Variants in H4C5 observed in about 807,000 individuals in gnomAD.
H4C5 encodes histone H4.
Under a neutral mutation model 5.3 loss-of-function variants are expected in H4C5, and 15 were observed. The ratio of observed to expected loss-of-function variants is 2.84; its 90% CI spans 1.90 to 4.37. The LOEUF (loss-of-function observed/expected upper bound fraction) is 4.37, where lower values mean the gene tolerates loss of function less well. Ranked by LOEUF, H4C5 falls within the 30% of genes most tolerant of loss-of-function variation. The pLI is 0.00. For missense variants in H4C5, 153 were observed against 145.7 expected (o/e 1.05, Z -0.26); for synonymous variants, 154 against 56.9 (o/e 2.71, Z -7.68).
chr6:26,204,711 C>T lies in H4C5; in HGVS notation c.67C>T (p.Leu23=), dbSNP rs753454645. 9.9e-6 allele frequency: 16 copies of T among 1,614,068 alleles called. No individual in the cohort carries two copies. Among genetic ancestry groups the T allele is most frequent in the African/African-American group, 1.3e-5 (1 of 74,930 alleles). Residue 23 remains leucine, a synonymous_variant, in exon 1 of 1, where the codon CTG becomes TTG. Coordinates refer to ENST00000615164, the MANE Select transcript of H4C5 (RefSeq NM_003545.4). ...KGGAKRHRKV[L]RDNIQGITKP... is the part of the protein sequence containing the mutation. ...AGGCGCTAAGCGTCACCGTAAGGTCCTGCGAGATAACATCCAGGGCATTAC... is the reference window on the plus strand; with the variant it reads ...AGGCGCTAAGCGTCACCGTAAGGTCTTGCGAGATAACATCCAGGGCATTAC...
At position 26,204,641 on chromosome 6, in the gene H4C5, G is replaced by T. The variant is rs201324703; in HGVS notation, c.-4G>T. 4.7e-5 allele frequency: 74 copies of T among 1,571,718 alleles called. No individual in the cohort carries two copies. In the Admixed American group the frequency reaches 5.7e-4, roughly 12 times the overall value. On this transcript the variant is annotated 5_prime_UTR_variant, in exon 1 of 1. Transcript: ENST00000615164. ...TTGCGGCTATTTTCGTTGGTGTGTT[G>T]GTCATGTCTGGTCGCGGCAAAGGCG... is the stretch of plus-strand genomic sequence containing the variant.
Position 26,204,743 on chromosome 6 carries a change from T to C in H4C5, c.99T>C (p.Pro33=). 6.2e-7 allele frequency: 1 copy of C among 1,614,166 alleles called. No homozygotes were observed. Among genetic ancestry groups the C allele is most frequent in the Non-Finnish European group, 8.5e-7 (1 of 1,180,026 alleles). ...LRDNIQGITK[P]AIRRLARRGG... ...ATAACATCCAGGGCATTACCAAGCCTGCCATCCGGCGCCTTGCTCGTCGCG... is the reference window on the plus strand; with the variant it reads ...ATAACATCCAGGGCATTACCAAGCCCGCCATCCGGCGCCTTGCTCGTCGCG... Residue 33 remains proline (P), a synonymous_variant, in exon 1 of 1, where the codon CCT becomes CCC. Transcript: ENST00000615164.
At position 26,204,661 on chromosome 6, in the gene H4C5, A is replaced by G. The variant is rs1205151749; in HGVS notation, c.17A>G (p.Lys6Arg). ...GTGTTGGTCATGTCTGGTCGCGGCAAAGGCGGAAAGGGACTGGGTAAAGGA... is the reference window on the plus strand; with the variant it reads ...GTGTTGGTCATGTCTGGTCGCGGCAGAGGCGGAAAGGGACTGGGTAAAGGA... MSGRG[K>R]GGKGLGKGGA... The change falls in exon 1 of 1, where the codon AAA becomes AGA. Residue 6 changes from lysine (K) to arginine (R), a missense_variant. By Grantham distance (26) the Lys-to-Arg change is conservative (BLOSUM62 2). Transcript: ENST00000615164. 1.3e-6 allele frequency: 2 copies of G among 1,599,274 alleles called. No individual in the cohort carries two copies. Among genetic ancestry groups the G allele is most frequent in the Non-Finnish European group, 8.6e-7 (1 of 1,168,466 alleles).
At position 26,204,656 on chromosome 6, in the gene H4C5, C is replaced by T. The variant is rs139616312; in HGVS notation, c.12C>T (p.Arg4=). 5.0e-5 allele frequency: 80 copies of T among 1,597,744 alleles called. No homozygotes were observed. Among genetic ancestry groups the T allele is most frequent in the Admixed American group, 1.4e-4 (8 of 59,244 alleles). MSG[R]GKGGKGLGKG... Reference sequence around the variant, plus strand: ...TTGGTGTGTTGGTCATGTCTGGTCGCGGCAAAGGCGGAAAGGGACTGGGTA... The same window carrying T: ...TTGGTGTGTTGGTCATGTCTGGTCGTGGCAAAGGCGGAAAGGGACTGGGTA... Residue 4 remains arginine, a synonymous_variant, in exon 1 of 1, where the codon CGC becomes CGT. Transcript: ENST00000615164.
chr6:26,204,953 C>T lies in H4C5; in HGVS notation c.309C>T (p.Gly103=), dbSNP rs141153727. Residue 103 remains glycine, a synonymous_variant, in exon 1 of 1, where the codon GGC becomes GGT. Coordinates refer to ENST00000615164, the MANE Select transcript of H4C5 (RefSeq NM_003545.4). The part of the protein sequence containing the change: ...RQGRTLYGFG[G] ...GACGCACTCTTTACGGCTTCGGCGG[C>T]TAATGCTACCGCTTAAACGACTCAG... 7 of 1,599,604 alleles carry T rather than the reference C, an allele frequency of 4.4e-6. No homozygotes were observed. Among genetic ancestry groups the T allele is most frequent in the Middle Eastern group, 1.7e-4 (1 of 6,040 alleles).
Sources: allele counts gnomAD v4.1 joint callset, GRCh38; gene constraint gnomAD v4.1.1; transcripts MANE v1.5; gene names NCBI Gene and HGNC (gene_info 2026-07-23, HGNC 2026-07-21).